The following FAT3 variants were observed in gnomAD, a reference collection of about 807,000 sequenced individuals.
FAT3 encodes FAT atypical cadherin 3.
In FAT3, 95 loss-of-function variants were observed where a neutral mutation model predicts 310.2. The observed-to-expected ratio is 0.31, with a 90% confidence interval of 0.26 to 0.36. The LOEUF is 0.36. Ranked by LOEUF, FAT3 falls within the 10% of genes least tolerant of loss-of-function variation. FAT3 has a pLI of 1.00. For missense variants in FAT3, 5,408 were observed against 5,715.6 expected (o/e 0.95, Z 1.74); for synonymous variants, 2,314 against 2,192.9 (o/e 1.06, Z -1.54).
At chr11:92,262,194 A>C (rs1327419254) in intron 1 of FAT3, among the ~76,000 whole-genome samples, 7 of 152,076 alleles carry the variant, frequency 4.6e-5, no homozygotes, top group African/African-American at 1.7e-4. Flanking sequence ...CTATTGACTA[A>C]ATCAGGAAAT....
At chr11:92,308,858 A>T (rs886763503) in intron 1 of FAT3, among the ~76,000 whole-genome samples, 7 of 152,118 alleles carry the variant, frequency 4.6e-5, no homozygotes, top group African/African-American at 7.2e-5. Context: ...AAGGAAATAA[A>T]AAAAAAATAG....
chr11:92,780,434 A>G (rs970091598), intron 7 of FAT3, among the ~76,000 whole-genome samples: 4 of 152,104 alleles, frequency 2.6e-5, no homozygotes, highest in African/African-American at 9.7e-5. Flanking sequence ...AAGTGCTAGG[A>G]TTATAGATAG....
At chr11:92,490,138 T>C (rs1952560762) in intron 2 of FAT3, among the ~76,000 whole-genome samples, 2 of 152,182 alleles carry the variant, frequency 1.3e-5, no homozygotes, top group Admixed American at 1.3e-4. Flanking sequence ...TAGTTATAAT[T>C]GTTTTTGACA....
At chr11:92,471,978 TTATG>T (rs1951920863) in intron 2 of FAT3, among the ~76,000 whole-genome samples, 1 of 145,676 alleles carries the variant, frequency 6.9e-6, no homozygotes, top group South Asian at 2.2e-4. Context: ...CATACATAAT[TTATG>T]TATGTATATT....
chr11:92,352,339 C>A lies in FAT3; in HGVS notation c.227C>A (p.Ser76Tyr). ...ATGGGCATCACCTTAATAGATCTAT[C>A]CTGGGATATCAAATACAGAATAGTG... ...SRMGITLIDL[S>Y]WDIKYRIVSG... The change falls in exon 2 of 28, where the codon TCC becomes TAC. Residue 76 changes from serine to tyrosine, a missense_variant. By Grantham distance (144) the Ser-to-Tyr change is moderately radical (BLOSUM62 -2). Around this residue, in one of 5 missense-constraint regions of FAT3, gnomAD observed 152 missense variants for 188.3 expected, o/e 0.81. Transcript: ENST00000525166. 1 of 1,579,684 alleles carries A rather than the reference C, an allele frequency of 6.3e-7. No individual in the cohort carries two copies.
At chr11:92,403,465 A>G (rs1257411711) in intron 2 of FAT3, 1 of 152,228 alleles carries the variant, frequency 6.6e-6, no homozygotes, top group East Asian at 1.9e-4. Flanking sequence ...TCATTGCAGT[A>G]TGTGATTAAG....
At chr11:92,301,937 G>A (rs1043861657) in intron 1 of FAT3, among the ~76,000 whole-genome samples, 1 of 152,030 alleles carries the variant, frequency 6.6e-6, no homozygotes, top group Non-Finnish European at 1.5e-5. Flanking sequence ...TCTTCAGAAT[G>A]TCCCAGAATT....
intron 3 of FAT3, among the ~76,000 whole-genome samples, chr11:92,528,531 C>CAT (rs1953956219): frequency 6.6e-6 from 1 of 152,160 alleles, no homozygotes; most frequent in Non-Finnish European, 1.5e-5. Context: ...GGACTACAGG[C>CAT]GCCTGCCACC....
intron 4 of FAT3, among the ~76,000 whole-genome samples, chr11:92,731,394 A>G (rs1203941913): frequency 6.6e-6 from 1 of 152,150 alleles, no homozygotes; most frequent in African/African-American, 2.4e-5. Context: ...ACAAAATTAT[A>G]TGACCCCAAA....
chr11:92,247,103 G>A (rs1266131789), intron 1 of FAT3, among the ~76,000 whole-genome samples: 9 of 152,058 alleles, frequency 5.9e-5, no homozygotes, highest in Admixed American at 1.3e-4. Flanking sequence ...TTCCAGCGAC[G>A]TGGCAGTTCC....
chr11:92,881,317 A>G (rs1425154670), intron 23 of FAT3, among the ~76,000 whole-genome samples: 2 of 152,128 alleles, frequency 1.3e-5, no homozygotes, highest in African/African-American at 4.8e-5. Flanking sequence ...CCTTTCTTTC[A>G]TAAGAAAGAA....
intron 3 of FAT3, among the ~76,000 whole-genome samples, chr11:92,588,717 T>C (rs370433733): frequency 2.7e-5 from 4 of 148,210 alleles, no homozygotes; most frequent in Non-Finnish European, 5.9e-5. Context: ...TGGGTTTGGG[T>C]GGAGAGAAGG....
At chr11:92,509,761 A>G (rs1418471623) in intron 2 of FAT3, among the ~76,000 whole-genome samples, 1 of 152,184 alleles carries the variant, frequency 6.6e-6, no homozygotes, top group African/African-American at 2.4e-5. Context: ...TTTGCACCTA[A>G]ATAAAACTAC....
At chr11:92,639,902 G>T (rs1158606319) in intron 3 of FAT3, among the ~76,000 whole-genome samples, 5 of 152,128 alleles carry the variant, frequency 3.3e-5, no homozygotes, top group South Asian at 2.1e-4. Context: ...AGCTACATTG[G>T]TTCATGAGTT....
At chr11:92,452,181 G>T (rs1235999860) in intron 2 of FAT3, among the ~76,000 whole-genome samples, 1 of 152,128 alleles carries the variant, frequency 6.6e-6, no homozygotes, top group African/African-American at 2.4e-5. Flanking sequence ...GAGCATTAGT[G>T]TTCCATACTG....
chr11:92,600,381 T>C (rs1939956424), intron 3 of FAT3, among the ~76,000 whole-genome samples: 1 of 152,152 alleles, frequency 6.6e-6, no homozygotes, highest in African/African-American at 2.4e-5. Context: ...TAAAAATCAG[T>C]TGGGGAGAGA....
At chr11:92,838,570 T>C (rs908777948) in intron 17 of FAT3, among the ~76,000 whole-genome samples, 2 of 152,240 alleles carry the variant, frequency 1.3e-5, no homozygotes, top group Admixed American at 1.3e-4. Flanking sequence ...AAACTGTCAG[T>C]GTAGAGGACT....
chr11:92,789,958 C>A lies in FAT3; in HGVS notation c.4351C>A (p.Leu1451Met), dbSNP rs1490512080. The A allele has an allele frequency of 1.2e-6, 2 of 1,613,542 alleles. No homozygotes were observed. The highest frequency in any genetic ancestry group is 8.5e-7 in the Non-Finnish European group (1 of 1,179,616). The change falls in exon 8 of 28, where the codon CTG becomes ATG. Residue 1451 changes from leucine (L) to methionine (M), a missense_variant. Physicochemically the swap from Leu to Met is conservative, Grantham distance 15. Coordinates refer to ENST00000525166, the MANE Select transcript of FAT3 (RefSeq NM_001367949.2). Reference protein sequence around the residue: ...VAVTQVFIKVLDNNDNGPEFS... With the variant: ...VAVTQVFIKVMDNNDNGPEFS... ...TTAACTACAGGTATTTATCAAAGTG[C>A]TGGATAATAATGATAATGGCCCAGA...
intron 4 of FAT3, among the ~76,000 whole-genome samples, chr11:92,733,953 A>G (rs1945265315): frequency 6.6e-6 from 1 of 152,196 alleles, no homozygotes; most frequent in Non-Finnish European, 1.5e-5. Context: ...AGTGCTTTTA[A>G]GTACACTTTC....
Sources: allele counts gnomAD v4.1 joint callset (sites outside exome capture counted in the v4.1 genomes callset), GRCh38; gene constraint gnomAD v4.1.1; regional missense constraint gnomAD v4.1.1; transcripts MANE v1.5; gene names NCBI Gene and HGNC (gene_info 2026-07-23, HGNC 2026-07-21).